Variants in RPS6KC1 observed in about 807,000 individuals in gnomAD.
The protein encoded by RPS6KC1 is inactive ribosomal protein S6 kinase delta-1.
RPS6KC1 carries 54 observed loss-of-function variants against 103.8 expected under a neutral mutation model. The observed-to-expected ratio is 0.52, with a 90% CI of 0.42 to 0.65. RPS6KC1 has a LOEUF of 0.65. RPS6KC1 is among the 30% of genes least tolerant of loss of function. RPS6KC1 has a pLI of 0.00. For synonymous variants in RPS6KC1, 439 were observed against 438.7 expected, an observed-to-expected ratio of 1.00 and a Z score of -0.01; for missense variants, 1,151 against 1,253.8, an observed-to-expected ratio of 0.92 and a Z score of 1.24.
chr1:213,735,880 G>A, the RPS6KC1 span, among the ~76,000 whole-genome samples: 1 of 152,178 alleles, frequency 6.6e-6, no homozygotes, highest in Admixed American at 6.5e-5. Flanking sequence ...GATTCTCTTA[G>A]AATCTTAGTC....
chr1:213,812,884 C>T, the RPS6KC1 span, among the ~76,000 whole-genome samples: 8 of 152,238 alleles, frequency 5.3e-5, no homozygotes, highest in Middle Eastern at 0.014. Flanking sequence ...AACCCATCAT[C>T]GGACAGTTGA....
chr1:213,530,857 C>T, the RPS6KC1 span, among the ~76,000 whole-genome samples: 7 of 152,358 alleles, frequency 4.6e-5, no homozygotes, highest in African/African-American at 1.7e-4. Flanking sequence ...CCTCATGTCA[C>T]CCTCACTCTG....
At chr1:213,073,921 T>C (rs1031366356) in intron 2 of RPS6KC1, among the ~76,000 whole-genome samples, 4 of 151,962 alleles carry the variant, frequency 2.6e-5, no homozygotes, top group Non-Finnish European at 4.4e-5. Context: ...GGCGATCTGC[T>C]CATCTCGGCC....
the RPS6KC1 span, among the ~76,000 whole-genome samples, chr1:213,568,060 A>T: frequency 2.6e-5 from 4 of 152,196 alleles, no homozygotes; most frequent in Admixed American, 1.3e-4. Flanking sequence ...TTGATATCTG[A>T]CAAGAACACT....
At chr1:213,825,116 T>C in the RPS6KC1 span, among the ~76,000 whole-genome samples, 7 of 152,172 alleles carry the variant, frequency 4.6e-5, no homozygotes, top group Non-Finnish European at 1.0e-4. Flanking sequence ...TTACAGGGCA[T>C]CTGGAGAAGC....
the RPS6KC1 span, among the ~76,000 whole-genome samples, chr1:213,686,675 G>T: frequency 6.6e-6 from 1 of 152,106 alleles, no homozygotes; most frequent in African/African-American, 2.4e-5. Flanking sequence ...CCTGAAAGGG[G>T]TCCTGATCCA....
chr1:213,531,332 A>T, the RPS6KC1 span, among the ~76,000 whole-genome samples: 1 of 152,150 alleles, frequency 6.6e-6, no homozygotes. Flanking sequence ...TCCTATTTGG[A>T]ATGGAGAAGG....
At chr1:213,649,850 A>T in the RPS6KC1 span, among the ~76,000 whole-genome samples, 1 of 152,186 alleles carries the variant, frequency 6.6e-6, no homozygotes, top group African/African-American at 2.4e-5. Context: ...CTTGCTGTTC[A>T]TGGTGGCGGT....
the RPS6KC1 span, among the ~76,000 whole-genome samples, chr1:213,455,232 G>A: frequency 7.2e-5 from 11 of 152,210 alleles, no homozygotes; most frequent in African/African-American, 1.2e-4. Flanking sequence ...GGAGGTGGAG[G>A]GAGAGTGTTG....
At chr1:213,756,341 T>C in the RPS6KC1 span, among the ~76,000 whole-genome samples, 1 of 152,184 alleles carries the variant, frequency 6.6e-6, no homozygotes, top group Non-Finnish European at 1.5e-5. Flanking sequence ...TGTCTTAACA[T>C]TTGAGGGCTG....
At chr1:213,165,846 C>T (rs527623678) in intron 6 of RPS6KC1, among the ~76,000 whole-genome samples, 38 of 152,296 alleles carry the variant, frequency 2.5e-4, no homozygotes, top group African/African-American at 8.2e-4. Flanking sequence ...CACGAGCCAC[C>T]GCACCTGGCC....
At chr1:213,316,636 A>C in the RPS6KC1 span, among the ~76,000 whole-genome samples, 1 of 152,112 alleles carries the variant, frequency 6.6e-6, no homozygotes, top group East Asian at 1.9e-4. Flanking sequence ...ATTAATAAGC[A>C]AATAGTGTGT....
chr1:213,078,352 G>T (rs937335811), intron 3 of RPS6KC1, among the ~76,000 whole-genome samples: 1 of 151,376 alleles, frequency 6.6e-6, no homozygotes, highest in South Asian at 2.1e-4. Flanking sequence ...TTGACTGGAA[G>T]TATAGAATAT....
At chr1:213,679,486 C>G in the RPS6KC1 span, among the ~76,000 whole-genome samples, 2 of 151,200 alleles carry the variant, frequency 1.3e-5, no homozygotes, top group Admixed American at 6.6e-5. Context: ...TTAGAGAAGA[C>G]AAGTAACTCA....
At chr1:213,845,780 T>C in the RPS6KC1 span, among the ~76,000 whole-genome samples, 1 of 152,160 alleles carries the variant, frequency 6.6e-6, no homozygotes, top group Non-Finnish European at 1.5e-5. Flanking sequence ...CTTCTGTGCC[T>C]CAATTTTCAC....
the RPS6KC1 span, among the ~76,000 whole-genome samples, chr1:213,690,532 T>C: frequency 6.6e-6 from 1 of 152,202 alleles, no homozygotes; most frequent in African/African-American, 2.4e-5. Context: ...CAAAGGGAGT[T>C]CCTGCCTTAC....
At chr1:213,657,983 T>C in the RPS6KC1 span, among the ~76,000 whole-genome samples, 7 of 152,198 alleles carry the variant, frequency 4.6e-5, no homozygotes, top group Admixed American at 6.5e-5. Flanking sequence ...AGCCACATAC[T>C]GAGGTACTGT....
At chr1:213,206,755 A>G (rs2093360019) in intron 8 of RPS6KC1, among the ~76,000 whole-genome samples, 1 of 152,118 alleles carries the variant, frequency 6.6e-6, no homozygotes, top group African/African-American at 2.4e-5. Flanking sequence ...AATTGGCCTA[A>G]ATTACAATTT....
the RPS6KC1 span, among the ~76,000 whole-genome samples, chr1:213,581,029 C>A: frequency 6.6e-6 from 1 of 151,922 alleles, no homozygotes; most frequent in Admixed American, 6.5e-5. Flanking sequence ...GGGACCTGAG[C>A]GTATTTTGTA....
Sources: allele counts gnomAD v4.1 joint callset (sites outside exome capture counted in the v4.1 genomes callset), GRCh38; gene constraint gnomAD v4.1.1; transcripts MANE v1.5; gene names NCBI Gene and HGNC (gene_info 2026-07-23, HGNC 2026-07-21).